Variants in GRID2 observed in about 807,000 individuals in gnomAD.
The protein encoded by GRID2 is glutamate ionotropic receptor delta type subunit 2.
In GRID2, 33 loss-of-function variants were observed where a neutral mutation model predicts 114.8. The ratio of observed to expected loss-of-function variants is 0.29; its 90% CI spans 0.22 to 0.38. The LOEUF is 0.38. Among genes scored for constraint, GRID2 ranks in the 10% least tolerant of loss-of-function variants. The pLI, the probability that GRID2 is intolerant of heterozygous loss-of-function variation, is 1.00. For missense variants in GRID2, 1,184 were observed against 1,257.7 expected (o/e 0.94, Z 0.89); for synonymous variants, 505 against 449.9 (o/e 1.12, Z -1.55).
At chr4:93,660,789 A>G (rs965263420) in intron 14 of GRID2, among the ~76,000 whole-genome samples, 4 of 151,994 alleles carry the variant, frequency 2.6e-5, no homozygotes, top group Admixed American at 6.6e-5. Context: ...CATGAGCCTT[A>G]TGTTTTCACC....
intron 8 of GRID2, among the ~76,000 whole-genome samples, chr4:93,279,630 T>G (rs1752441969): frequency 6.6e-6 from 1 of 151,958 alleles, no homozygotes; most frequent in Non-Finnish European, 1.5e-5. Flanking sequence ...ATTTTAGATA[T>G]TTCGACTCCT....
At chr4:93,501,881 C>T (rs1728148212) in intron 12 of GRID2, among the ~76,000 whole-genome samples, 1 of 152,058 alleles carries the variant, frequency 6.6e-6, no homozygotes, top group South Asian at 2.1e-4. Flanking sequence ...AATCTTGCTC[C>T]TTTAAGCCTA....
chr4:92,869,162 AG>A (rs1407500947), intron 2 of GRID2, among the ~76,000 whole-genome samples: 12 of 152,236 alleles, frequency 7.9e-5, no homozygotes, highest in African/African-American at 2.9e-4. Flanking sequence ...TAAAAACATT[AG>A]ATTACATCCC....
intron 1 of GRID2, among the ~76,000 whole-genome samples, chr4:92,540,814 A>C (rs1579546431): frequency 6.6e-6 from 1 of 152,278 alleles, no homozygotes; most frequent in Admixed American, 6.5e-5. Context: ...AAGGATTATA[A>C]ATCATGCTGC....
At chr4:93,806,304 A>T (rs1735027901) in intron 1 of GRID2, among the ~76,000 whole-genome samples, 1 of 152,174 alleles carries the variant, frequency 6.6e-6, no homozygotes, top group African/African-American at 2.4e-5. Flanking sequence ...AGGCTCCAGG[A>T]TTTCATGTGT....
intron 3 of GRID2, among the ~76,000 whole-genome samples, chr4:93,085,996 A>AT (rs1730300668): frequency 6.6e-6 from 1 of 152,142 alleles, no homozygotes; most frequent in Non-Finnish European, 1.5e-5. Context: ...GTTTACATTT[A>AT]TTTTTTCTGA....
intron 2 of GRID2, among the ~76,000 whole-genome samples, chr4:92,838,300 T>C (rs568097134): frequency 6.6e-6 from 1 of 152,114 alleles, no homozygotes; most frequent in Non-Finnish European, 1.5e-5. Flanking sequence ...ATGTGAATTT[T>C]GATATAATAT....
At chr4:92,963,793 T>C (rs1407601026) in intron 2 of GRID2, among the ~76,000 whole-genome samples, 1 of 152,018 alleles carries the variant, frequency 6.6e-6, no homozygotes, top group African/African-American at 2.4e-5. Context: ...ATTGGAAAAA[T>C]TGCTATCTAT....
At chr4:92,515,497 C>G (rs1724456599) in intron 1 of GRID2, among the ~76,000 whole-genome samples, 1 of 151,842 alleles carries the variant, frequency 6.6e-6, no homozygotes, top group Non-Finnish European at 1.5e-5. Flanking sequence ...GATTTCAGCT[C>G]AGAAGAATCT....
intron 2 of GRID2, among the ~76,000 whole-genome samples, chr4:92,745,369 G>A (rs916088745): frequency 1.3e-5 from 2 of 152,062 alleles, no homozygotes; most frequent in African/African-American, 4.8e-5. Flanking sequence ...AAGCTATTTA[G>A]TGTCTAATGT....
At chr4:93,292,112 G>C (rs1753820067) in intron 8 of GRID2, among the ~76,000 whole-genome samples, 1 of 152,150 alleles carries the variant, frequency 6.6e-6, no homozygotes, top group South Asian at 2.1e-4. Flanking sequence ...GGTGATTAAG[G>C]ACTTGTGATT....
chr4:92,835,332 A>G (rs1289781979), intron 2 of GRID2, among the ~76,000 whole-genome samples: 2 of 152,166 alleles, frequency 1.3e-5, no homozygotes, highest in Admixed American at 6.6e-5. Flanking sequence ...GCATAAGAGA[A>G]TGAAGACATT....
chr4:92,992,575 C>A (rs995157871), intron 2 of GRID2, among the ~76,000 whole-genome samples: 1 of 151,996 alleles, frequency 6.6e-6, no homozygotes, highest in Admixed American at 6.6e-5. Context: ...ATTGTGACTT[C>A]TATATAATAA....
chr4:92,349,749 T>C (rs1354432257), intron 1 of GRID2, among the ~76,000 whole-genome samples: 3 of 151,762 alleles, frequency 2.0e-5, no homozygotes, highest in African/African-American at 7.2e-5. Context: ...TGAGGATGTT[T>C]GGAATAATCT....
chr4:93,133,161 G>GTCTC (rs146709791), intron 4 of GRID2, among the ~76,000 whole-genome samples: 2 of 151,232 alleles, frequency 1.3e-5, no homozygotes, highest in African/African-American at 4.9e-5. Context: ...CTCTCTCTCG[G>GTCTC]TCTCTCTCTC....
intron 2 of GRID2, among the ~76,000 whole-genome samples, chr4:92,744,726 A>G (rs1737064849): frequency 6.6e-6 from 1 of 152,062 alleles, no homozygotes; most frequent in Admixed American, 6.6e-5. Flanking sequence ...CTCAAGGCAA[A>G]TGCTCCAGTT....
At chr4:92,515,342 T>C (rs1415003891) in intron 1 of GRID2, among the ~76,000 whole-genome samples, 2 of 151,960 alleles carry the variant, frequency 1.3e-5, no homozygotes, top group Non-Finnish European at 2.9e-5. Flanking sequence ...TTAAAACTAA[T>C]CTTCTAATTA....
intron 1 of GRID2, among the ~76,000 whole-genome samples, chr4:92,337,644 C>T (rs1727256930): frequency 6.6e-6 from 1 of 152,122 alleles, no homozygotes; most frequent in South Asian, 2.1e-4. Flanking sequence ...ATGAAACCAT[C>T]AGATCTTGTA....
chr4:92,486,324 G>C (rs1485202514), intron 1 of GRID2, among the ~76,000 whole-genome samples: 2 of 151,518 alleles, frequency 1.3e-5, no homozygotes, highest in Admixed American at 6.6e-5. Context: ...TAGAAATAAA[G>C]GGGTACATCA....
Sources: gnomAD v4.1 joint callset for allele counts (sites outside exome capture counted in the v4.1 genomes callset) on GRCh38, gnomAD v4.1.1 for gene constraint, MANE v1.5 for transcripts, NCBI Gene and HGNC (gene_info 2026-07-23, HGNC 2026-07-21) for gene names.